Variants in CMTM4 observed in about 807,000 individuals in gnomAD.
The protein encoded by CMTM4 is CKLF-like MARVEL transmembrane domain-containing protein 4.
CMTM4 carries 8 observed loss-of-function variants against 19.0 expected under a neutral mutation model. The ratio of observed to expected loss-of-function variants is 0.42; its 90% CI spans 0.25 to 0.76. The LOEUF (loss-of-function observed/expected upper bound fraction) is 0.76, where lower values mean the gene tolerates loss of function less well. CMTM4 is among the 30% of genes least tolerant of loss of function. The pLI is 0.27. For synonymous variants in CMTM4, 106 were observed against 121.1 expected, an observed-to-expected ratio of 0.88 and a Z score of 0.82; for missense variants, 228 against 290.2, an observed-to-expected ratio of 0.79 and a Z score of 1.56.
intron 1 of CMTM4, among the ~76,000 whole-genome samples, chr16:66,681,493 A>AT (rs1204822230): frequency 1.3e-5 from 2 of 151,828 alleles, no homozygotes; most frequent in Non-Finnish European, 2.9e-5. Flanking sequence ...ATTTTTTTGT[A>AT]TTTTTAGTAG....
chr16:66,618,837 G>C lies in CMTM4; in HGVS notation c.*3221C>G, dbSNP rs968880755. On this transcript the variant is annotated 3_prime_UTR_variant, in exon 4 of 4. Coordinates refer to ENST00000394106, the MANE Select transcript of CMTM4 (RefSeq NM_181521.3). ...ACATTCCCTGGCTGCCCACAGGCGT[G>C]AGCCTTCCTGCCAGGGGACAGTAAC... is the stretch of plus-strand genomic sequence containing the variant. 1.0e-6 allele frequency: 1 copy of C among 985,402 alleles called. No homozygotes were observed. Among genetic ancestry groups the C allele is most frequent in the African/African-American group, 1.7e-5 (1 of 57,256 alleles). The allele number at this position is 985,402 out of a possible 1,614,324, so 61.0% of individuals were successfully genotyped here. A position where few individuals can be genotyped will look rare whatever the true frequency, so the allele number is the denominator to read the frequency against.
intron 1 of CMTM4, among the ~76,000 whole-genome samples, chr16:66,666,976 A>G (rs1365775566): frequency 6.6e-6 from 1 of 152,206 alleles, no homozygotes; most frequent in Non-Finnish European, 1.5e-5. Flanking sequence ...TATGTTCACT[A>G]CCTGGGTGCA....
chr16:66,670,939 CTG>C (rs1158556702), intron 1 of CMTM4, among the ~76,000 whole-genome samples: 1 of 152,136 alleles, frequency 6.6e-6, no homozygotes, highest in African/African-American at 2.4e-5. Context: ...GTAGACCTAA[CTG>C]TTAATGGGAG....
intron 3 of CMTM4, 124 bp downstream of exon 3, chr16:66,623,280 C>G (rs2015673392): frequency 3.1e-6 from 2 of 640,994 alleles, no homozygotes; most frequent in Non-Finnish European, 5.4e-6. Flanking sequence ...CCCCACTGGC[C>G]CAGTAACATC....
Position 66,618,448 on chromosome 16 carries a change from G to A in CMTM4, c.*3610C>T, listed in dbSNP as rs921954515. On this transcript the variant is annotated 3_prime_UTR_variant, in exon 4 of 4. Transcript: ENST00000394106. The stretch of plus-strand genomic sequence containing the variant: ...TCTCCATGCTCTATTCATCTCCTAG[G>A]TGCTAAGACCAACCCACAGAAAATC... 7 of 985,274 alleles carry A rather than the reference G, an allele frequency of 7.1e-6. No homozygotes were observed. Among genetic ancestry groups the A allele is most frequent in the African/African-American group, 1.7e-5 (1 of 57,206 alleles). The allele number at this position is 985,274 out of a possible 1,614,324, so 61.0% of individuals were successfully genotyped here. A position where few individuals can be genotyped will look rare whatever the true frequency, so the allele number is the denominator to read the frequency against.
intron 1 of CMTM4, among the ~76,000 whole-genome samples, chr16:66,638,389 T>C (rs953705280): frequency 6.6e-6 from 1 of 152,250 alleles, no homozygotes; most frequent in Non-Finnish European, 1.5e-5. Context: ...TCAATACTTC[T>C]ACACAGAACC....
intron 1 of CMTM4, among the ~76,000 whole-genome samples, chr16:66,689,116 GTCTC>G (rs1567435126): frequency 6.6e-6 from 1 of 152,014 alleles, no homozygotes; most frequent in Admixed American, 6.6e-5. Flanking sequence ...TGATCTGTAC[GTCTC>G]CTATTAATTT....
At chr16:66,623,158 T>C (rs2015670999) in intron 3 of CMTM4, among the ~76,000 whole-genome samples, 1 of 152,224 alleles carries the variant, frequency 6.6e-6, no homozygotes. Context: ...TTACTTCAAA[T>C]ACATTTCTGA....
chr16:66,631,542 A>G (rs2015871695), intron 2 of CMTM4, among the ~76,000 whole-genome samples: 1 of 152,218 alleles, frequency 6.6e-6, no homozygotes, highest in South Asian at 2.1e-4. Context: ...GTGTCTGTGT[A>G]GAAAGAAGTA....
chr16:66,633,466 G>A (rs910128603), intron 2 of CMTM4, among the ~76,000 whole-genome samples: 6 of 151,986 alleles, frequency 3.9e-5, no homozygotes, highest in East Asian at 1.9e-4. Flanking sequence ...GAGATCGGCC[G>A]TGAGGAGCTC....
Position 66,681,682 on chromosome 16 carries a change from G to A in CMTM4, c.186+14658C>T, listed in dbSNP as rs571360235. On this transcript the variant is annotated intron_variant, in intron 1 of 3. Coordinates refer to ENST00000394106, the MANE Select transcript of CMTM4 (RefSeq NM_181521.3). ...AATTCGTACCAGCCACATTTCAAGC[G>A]CTCAATAGCCACAGTTATAACTGTT... Among the ~76,000 whole-genome samples, 43 of 152,212 alleles carry A rather than the reference G, an allele frequency of 2.8e-4. 1 individual carries two copies. The highest frequency in any genetic ancestry group is 8.3e-4 in the South Asian group (4 of 4,820).
chr16:66,645,434 C>CG (rs2016175038), intron 1 of CMTM4, among the ~76,000 whole-genome samples: 1 of 150,966 alleles, frequency 6.6e-6, no homozygotes, highest in African/African-American at 2.4e-5. Flanking sequence ...AAAAATTAGC[C>CG]AGGCATGGTG....
the CMTM4 span, chr16:66,608,437 G>A: frequency 1.2e-6 from 2 of 1,614,152 alleles, no homozygotes; most frequent in East Asian, 2.2e-5. This position sits in a 1 kb window ranked among gnomAD's most constrained non-coding sequence, Gnocchi z 5.1. Flanking sequence ...TGAATGACAA[G>A]TGGCAGGGCT....
chr16:66,690,995 T>G (rs2017124474), intron 1 of CMTM4, among the ~76,000 whole-genome samples: 1 of 152,082 alleles, frequency 6.6e-6, no homozygotes, highest in Non-Finnish European at 1.5e-5. Flanking sequence ...CACATGCCTG[T>G]AGTCCTGGCT....
In CMTM4 at chr16:66,617,487, C is replaced by T; in HGVS notation, c.*4571G>A. The stretch of plus-strand genomic sequence containing the variant: ...TTCAAGCTAAAGAGTGTACAAAATG[C>T]CACTCACTTGCATGAAGAAGAATTA... On this transcript the variant is annotated 3_prime_UTR_variant, in exon 4 of 4. Transcript: ENST00000394106. The T allele has an allele frequency of 1.4e-6, 2 of 1,433,278 alleles. No homozygotes were observed. Among genetic ancestry groups the T allele is most frequent in the Non-Finnish European group, 1.8e-6 (2 of 1,096,412 alleles). 88.8% of individuals were successfully genotyped at this position (1,433,278 alleles called of 1,614,324 possible).
intron 1 of CMTM4, among the ~76,000 whole-genome samples, chr16:66,673,459 C>T (rs893571364): frequency 3.3e-5 from 5 of 152,080 alleles, no homozygotes; most frequent in Non-Finnish European, 7.4e-5. Flanking sequence ...CCACCCACCT[C>T]AGCCTCCCAA....
At chr16:66,692,409 T>C (rs1042656503) in intron 1 of CMTM4, among the ~76,000 whole-genome samples, 1 of 152,108 alleles carries the variant, frequency 6.6e-6, no homozygotes, top group Non-Finnish European at 1.5e-5. Flanking sequence ...TGAAAGGATA[T>C]AGAAAGGTAA....
In CMTM4 at chr16:66,616,053, T is replaced by C. The variant is rs951423368; in HGVS notation, c.*6005A>G. ...TTTTTGTTTTTTTTCTTCTTTAAAA[T>C]ACATACGAAGTGTAAAGAGAAAATG... On this transcript the variant is annotated 3_prime_UTR_variant, in exon 4 of 4. Coordinates refer to ENST00000394106, the MANE Select transcript of CMTM4 (RefSeq NM_181521.3). 1 of 152,046 alleles carries C rather than the reference T, an allele frequency of 6.6e-6. No homozygotes were observed. Among genetic ancestry groups the C allele is most frequent in the African/African-American group, 2.4e-5 (1 of 41,398 alleles). 9.4% of individuals were successfully genotyped at this position (152,046 alleles called of 1,614,324 possible).
intron 1 of CMTM4, among the ~76,000 whole-genome samples, chr16:66,690,951 C>T (rs565295285): frequency 6.7e-6 from 1 of 148,838 alleles, no homozygotes; most frequent in Non-Finnish European, 1.5e-5. Flanking sequence ...CTCGTCTCTA[C>T]AAAAATAAAA....
Sources: gnomAD v4.1 joint callset for allele counts (sites outside exome capture counted in the v4.1 genomes callset) on GRCh38, gnomAD v4.1.1 for gene constraint, Gnocchi (gnomAD v3.1) non-coding constraint, MANE v1.5 for transcripts, NCBI Gene and HGNC (gene_info 2026-07-23, HGNC 2026-07-21) for gene names.